RBM27: variants seen among roughly 807,000 people sequenced by gnomAD.
The protein encoded by RBM27 is RNA-binding protein 27.
A neutral mutation model predicts 135.3 loss-of-function variants in RBM27; 22 were observed. That is an observed-to-expected ratio of 0.16 (90% CI 0.12 to 0.23). RBM27 has a LOEUF of 0.23. Among genes scored for constraint, RBM27 ranks in the 10% least tolerant of loss-of-function variants. The pLI is 1.00. For synonymous variants in RBM27, 481 were observed against 442.4 expected (o/e 1.09, Z -1.10); for missense variants, 1,009 against 1,281.0 (o/e 0.79, Z 3.24).
intron 11 of RBM27, among the ~76,000 whole-genome samples, chr5:146,259,943 G>A (rs1221448949): frequency 1.6e-5 from 2 of 122,440 alleles, no homozygotes; most frequent in Non-Finnish European, 3.2e-5. Context: ...ACTGCAGTCC[G>A]CAGTCCGGCC....
At position 146,216,126 on chromosome 5, in the gene RBM27, G is replaced by A. The variant is rs561455396; in HGVS notation, c.60-2859G>A. 3.3e-5 allele frequency among the ~76,000 whole-genome samples: 5 copies of A among 152,094 alleles called. No homozygotes were observed. The South Asian group carries it at 1.0e-3, about 32-fold the overall frequency. ...TGCTGGAGTGCAGTGGCACAATCTC[G>A]GCTCACTGCAAACTCCACCTCTTGG... On this transcript the variant is annotated intron_variant, in intron 1 of 20. Coordinates refer to ENST00000265271, the MANE Select transcript of RBM27 (RefSeq NM_018989.2).
intron 19 of RBM27, among the ~76,000 whole-genome samples, chr5:146,283,066 A>C (rs1395213362): frequency 6.6e-6 from 1 of 152,196 alleles, no homozygotes; most frequent in Non-Finnish European, 1.5e-5. Flanking sequence ...GTTATTACAG[A>C]TTTAAAAATC....
rs375013397 is a variant in RBM27, at chr5:146,286,078, A to G, written c.*48A>G. On this transcript the variant is annotated 3_prime_UTR_variant, in exon 21 of 21. Coordinates refer to ENST00000265271, the MANE Select transcript of RBM27 (RefSeq NM_018989.2). ...TTTTAGGAATATTGTTTAGAAGAAC[A>G]ACTTTTAAAAATTATTTAAAAGAAG... 4 of 1,508,702 alleles carry G rather than the reference A, an allele frequency of 2.7e-6. No homozygotes were observed. The African/African-American group carries it at 4.3e-5, about 16-fold the overall frequency. 93.5% of individuals were successfully genotyped at this position (1,508,702 alleles called of 1,614,324 possible).
chr5:146,257,598 A>C (rs1758162486), intron 10 of RBM27, among the ~76,000 whole-genome samples: 1 of 152,146 alleles, frequency 6.6e-6, no homozygotes, highest in Non-Finnish European at 1.5e-5. Context: ...GTGAAACTTT[A>C]AGTCCTTTAC....
chr5:146,264,164 ATATT>A (rs1348702026), intron 14 of RBM27, among the ~76,000 whole-genome samples: 7 of 151,378 alleles, frequency 4.6e-5, no homozygotes, highest in South Asian at 4.2e-4. Context: ...AGAATTTTAG[ATATT>A]TATTTGTTTG....
At chr5:146,226,450 C>T (rs1327239567) in intron 3 of RBM27, among the ~76,000 whole-genome samples, 3 of 151,894 alleles carry the variant, frequency 2.0e-5, no homozygotes, top group African/African-American at 4.8e-5. Context: ...GTAGTCTCAG[C>T]TTACTGCCAC....
In RBM27 at chr5:146,240,290, TTCTA is replaced by T. The variant is rs35362035; in HGVS notation, c.1279+2862_1279+2865del. Among the ~76,000 whole-genome samples the T allele has an allele frequency of 8.3e-3, 1,212 of 146,566 alleles. 11 individuals carry two copies. The highest frequency in any genetic ancestry group is 0.012 in the Non-Finnish European group (806 of 67,474). On this transcript the variant is annotated intron_variant, in intron 8 of 20. Transcript: ENST00000265271. The stretch of plus-strand genomic sequence containing the variant: ...ATACTTGGAAGACATGATTGCTGTT[TTCTA>T]TCTGTCTGTCTGTCTGTCTGTCTGT...
intron 19 of RBM27, among the ~76,000 whole-genome samples, chr5:146,275,452 A>G (rs1759057611): frequency 1.3e-5 from 2 of 151,864 alleles, no homozygotes; most frequent in South Asian, 2.1e-4. Context: ...GTTTTTTAGT[A>G]GAGACGGGTT....
At position 146,271,136 on chromosome 5, in the gene RBM27, C is replaced by T. The variant is rs189638715; in HGVS notation, c.2796+78C>T. ...TTTCCTTTGACCGGGCGCGGTGGCTCACGCCTGTAATCTCAGCACTTTGGG... is the reference window on the plus strand; with the variant it reads ...TTTCCTTTGACCGGGCGCGGTGGCTTACGCCTGTAATCTCAGCACTTTGGG... On this transcript the variant is annotated intron_variant, in intron 18 of 20. Coordinates refer to ENST00000265271, the MANE Select transcript of RBM27 (RefSeq NM_018989.2). 8.2e-5 allele frequency: 86 copies of T among 1,051,046 alleles called. 1 individual carries two copies. In the East Asian group the frequency reaches 2.2e-3, roughly 27 times the overall value. The allele number at this position is 1,051,046 out of a possible 1,614,324, so 65.1% of individuals were successfully genotyped here. A position where few individuals can be genotyped will look rare whatever the true frequency, so the allele number is the denominator to read the frequency against.
chr5:146,276,146 C>A (rs1759083063), intron 19 of RBM27, among the ~76,000 whole-genome samples: 1 of 151,974 alleles, frequency 6.6e-6, no homozygotes, highest in Non-Finnish European at 1.5e-5. Flanking sequence ...ATATTGACTT[C>A]CCATTAATCT....
rs1756566401 is a variant in RBM27, at chr5:146,224,056, T to C, written c.303+529T>C. Among the ~76,000 whole-genome samples, 4 of 152,210 alleles carry C rather than the reference T, an allele frequency of 2.6e-5. No individual in the cohort carries two copies. The South Asian group carries it at 6.2e-4, about 24-fold the overall frequency. ...ATTGTTTGAACCAAGAAGGAAATTT[T>C]ACAGAGTTCTTTGTACTTCCTGTTA... is the stretch of plus-strand genomic sequence containing the variant. On this transcript the variant is annotated intron_variant, in intron 3 of 20. Transcript: ENST00000265271.
chr5:146,233,572 C>A lies in RBM27; in HGVS notation c.973C>A (p.Pro325Thr), dbSNP rs1313096883. Reference protein sequence around the residue: ...PFPPPPPGLPPPPPPGMLMPP... With the variant: ...PFPPPPPGLPTPPPPGMLMPP... ...CCCACCCCCTCCTCCTGGGCTTCCT[C>A]CTCCACCACCTCCTGGAATGTTAAT... The change falls in exon 7 of 21, where the codon CCT becomes ACT. Residue 325 changes from proline (P) to threonine (T), a missense_variant. Pro to Thr is a conservative substitution (Grantham distance 38). Coordinates refer to ENST00000265271, the MANE Select transcript of RBM27 (RefSeq NM_018989.2). 19 of 1,612,824 alleles carry A rather than the reference C, an allele frequency of 1.2e-5. No individual in the cohort carries two copies. Among genetic ancestry groups the A allele is most frequent in the African/African-American group, 2.7e-5 (2 of 74,768 alleles).
chr5:146,280,718 A>C (rs768096760), intron 19 of RBM27, among the ~76,000 whole-genome samples: 2 of 152,180 alleles, frequency 1.3e-5, no homozygotes, highest in African/African-American at 2.4e-5. Flanking sequence ...TTTTGTGGTC[A>C]TTCTCAGACA....
rs776482030 is a variant in RBM27 at position 146,286,065 on chromosome 5, T to G, written c.*35T>G. 3 of 1,536,252 alleles carry G rather than the reference T, an allele frequency of 2.0e-6. No homozygotes were observed. The highest frequency in any genetic ancestry group is 2.6e-6 in the Non-Finnish European group (3 of 1,137,664). On this transcript the variant is annotated 3_prime_UTR_variant, in exon 21 of 21. Coordinates refer to ENST00000265271, the MANE Select transcript of RBM27 (RefSeq NM_018989.2). ...CTAGCTGTATAATTTTTAGGAATAT[T>G]GTTTAGAAGAACAACTTTTAAAAAT...
chr5:146,235,568 G>C (rs1423916505), intron 7 of RBM27, among the ~76,000 whole-genome samples: 1 of 151,976 alleles, frequency 6.6e-6, no homozygotes, highest in Non-Finnish European at 1.5e-5. Context: ...AAAAATTAAA[G>C]AATATGTTTT....
rs6897445 is a variant in RBM27, at chr5:146,241,508, G to A, written c.1279+4076G>A. Among the ~76,000 whole-genome samples, 381 of 152,286 alleles carry A rather than the reference G, an allele frequency of 2.5e-3. 4 individuals carry two copies. The highest frequency in any genetic ancestry group is 8.9e-3 in the African/African-American group (368 of 41,560). ...CAAATTATTATTATTTTTTGAGACAGTCTTACTCTGTTGCCCAGGCTAGAG... is the reference window on the plus strand; with the variant it reads ...CAAATTATTATTATTTTTTGAGACAATCTTACTCTGTTGCCCAGGCTAGAG... On this transcript the variant is annotated intron_variant, in intron 8 of 20. Transcript: ENST00000265271.
intron 8 of RBM27, 91 bp downstream of exon 8, chr5:146,237,523 G>T: frequency 7.2e-7 from 1 of 1,383,822 alleles, no homozygotes; most frequent in Non-Finnish European, 1.0e-6. Context: ...ATGGTAAATA[G>T]TTTCTGTTCT....
rs1756860702 is a variant in RBM27 at position 146,229,941 on chromosome 5, TG to T, written c.589+32del. Reference sequence around the variant, plus strand: ...TAGATGAGTGTCCCCCTAAAAACTCTGTAGTTATTTATCTGTCTCTATCACA... The same window carrying T: ...TAGATGAGTGTCCCCCTAAAAACTCTTAGTTATTTATCTGTCTCTATCACA... On this transcript the variant is annotated intron_variant, in intron 5 of 20. Transcript: ENST00000265271. 3 of 1,610,258 alleles carry T rather than the reference TG, an allele frequency of 1.9e-6. No homozygotes were observed. In the East Asian group the frequency reaches 6.7e-5, roughly 36 times the overall value.
chr5:146,265,124 TATGG>T (rs1462557651), intron 14 of RBM27, among the ~76,000 whole-genome samples: 1 of 152,104 alleles, frequency 6.6e-6, no homozygotes, highest in Admixed American at 6.5e-5. Flanking sequence ...CCAGCCAAAA[TATGG>T]AAAGACATAT....
Sources: allele counts gnomAD v4.1 joint callset (sites outside exome capture counted in the v4.1 genomes callset), GRCh38; gene constraint gnomAD v4.1.1; transcripts MANE v1.5; gene names NCBI Gene and HGNC (gene_info 2026-07-23, HGNC 2026-07-21).